The following PIK3AP1 variants were observed in gnomAD, a reference collection of about 807,000 sequenced individuals.
The protein encoded by PIK3AP1 is phosphoinositide 3-kinase adapter protein 1.
PIK3AP1 carries 21 observed loss-of-function variants against 88.1 expected under a neutral mutation model. The ratio of observed to expected loss-of-function variants is 0.24; its 90% CI spans 0.17 to 0.34. The LOEUF is 0.34. Among genes scored for constraint, PIK3AP1 ranks in the 10% least tolerant of loss-of-function variants. PIK3AP1 has a pLI of 1.00. For missense variants in PIK3AP1, 828 were observed against 1,035.7 expected, an observed-to-expected ratio of 0.80 and a Z score of 2.75; for synonymous variants, 398 against 400.0, an observed-to-expected ratio of 1.00 and a Z score of 0.06.
chr10:96,699,900 A>T (rs1413464413), intron 2 of PIK3AP1, among the ~76,000 whole-genome samples: 4 of 152,246 alleles, frequency 2.6e-5, no homozygotes, highest in Admixed American at 2.0e-4. Flanking sequence ...GTTTTGAAAG[A>T]GGGTAACACA....
At chr10:96,669,430 AGT>A (rs1489689702) in intron 2 of PIK3AP1, 1 of 152,236 alleles carries the variant, frequency 6.6e-6, no homozygotes, top group Non-Finnish European at 1.5e-5. Context: ...GAATTCCAGA[AGT>A]GTGTCCTGTA....
Position 96,596,311 on chromosome 10 carries a change from T to A in PIK3AP1, c.2361-677A>T, listed in dbSNP as rs191185006. 1.5e-3 allele frequency among the ~76,000 whole-genome samples: 228 copies of A among 152,286 alleles called. 1 individual carries two copies. The highest frequency in any genetic ancestry group is 1.5e-3 in the Non-Finnish European group (104 of 68,014). On this transcript the variant is annotated intron_variant, in intron 16 of 16. Transcript: ENST00000339364. Reference sequence around the variant, plus strand: ...CTGTTTTGTCCCATGGAAACCACAATAAAAGCTCTTGTCCACATTTTCCCC... The same window carrying A: ...CTGTTTTGTCCCATGGAAACCACAAAAAAAGCTCTTGTCCACATTTTCCCC...
intron 8 of PIK3AP1, among the ~76,000 whole-genome samples, chr10:96,628,893 T>C (rs1448955928): frequency 0.29 from 15,453 of 53,304 alleles, 2,717 homozygotes; most frequent in Non-Finnish European, 0.37. Flanking sequence ...TATATACATA[T>C]ATATATATAT....
In PIK3AP1 at chr10:96,657,032, C is replaced by T. The variant is rs575792699; in HGVS notation, c.431-98G>A. ...GCCCCAAATATTGCAAAATAGGAAA[C>T]GGCTCTGAATGTCAAACCAATACAA... On this transcript the variant is annotated intron_variant, in intron 2 of 16. Transcript: ENST00000339364. 114 of 1,306,546 alleles carry T rather than the reference C, an allele frequency of 8.7e-5. No individual in the cohort carries two copies. In the South Asian group the frequency reaches 1.1e-3, roughly 13 times the overall value. The allele number at this position is 1,306,546 out of a possible 1,614,324, so 80.9% of individuals were successfully genotyped here.
At chr10:96,608,622 T>C (rs1339565659) in intron 14 of PIK3AP1, among the ~76,000 whole-genome samples, 1 of 152,222 alleles carries the variant, frequency 6.6e-6, no homozygotes, top group African/African-American at 2.4e-5. Context: ...GAAAACTAGC[T>C]CAGAGGTTCT....
At chr10:96,604,846 A>G (rs1848974357) in intron 14 of PIK3AP1, among the ~76,000 whole-genome samples, 1 of 152,140 alleles carries the variant, frequency 6.6e-6, no homozygotes, top group Non-Finnish European at 1.5e-5. Flanking sequence ...AATGCAAAGT[A>G]CACACTCAAA....
chr10:96,648,671 G>C lies in PIK3AP1; in HGVS notation c.1173C>G (p.Ile391Met), dbSNP rs758437622. 2 of 1,607,888 alleles carry C rather than the reference G, an allele frequency of 1.2e-6. No individual in the cohort carries two copies. The highest frequency in any genetic ancestry group is 2.2e-5 in the South Asian group (2 of 89,778). ...KHGFRDLRQF[I>M]DEYVETVDML... is the part of the protein sequence containing the mutation. Reference sequence around the variant, plus strand: ...GCCTTGACCTTACCACATACTCGTCGATGAACTGCCGCAGGTCCCTGAAGC... The same window carrying C: ...GCCTTGACCTTACCACATACTCGTCCATGAACTGCCGCAGGTCCCTGAAGC... The change falls in exon 7 of 17, where the codon ATC (isoleucine) becomes ATG (methionine). Residue 391 changes from isoleucine to methionine, a missense_variant. By Grantham distance (10) the Ile-to-Met change is conservative. Transcript: ENST00000339364.
intron 2 of PIK3AP1, among the ~76,000 whole-genome samples, chr10:96,688,843 T>A (rs1844111926): frequency 6.6e-6 from 1 of 151,816 alleles, no homozygotes. Context: ...AAAATATGCA[T>A]GCATCATAAA....
At chr10:96,595,657 T>A (rs1468928706) in intron 16 of PIK3AP1, 23 bp from the exon 17 acceptor site, 1 of 1,610,472 alleles carries the variant, frequency 6.2e-7, no homozygotes, top group Admixed American at 1.7e-5. Context: ...ATAAGGCAAC[T>A]CTATTTAAAA....
chr10:96,618,579 C>T (rs1481139814), intron 12 of PIK3AP1: 1 of 100,828 alleles, frequency 9.9e-6, no homozygotes, highest in Non-Finnish European at 2.0e-5. Context: ...CCTTACACTA[C>T]AAGAAAATGT....
intron 9 of PIK3AP1, among the ~76,000 whole-genome samples, chr10:96,627,888 TGCCTAA>T (rs1485592873): frequency 6.6e-6 from 1 of 152,192 alleles, no homozygotes; most frequent in African/African-American, 2.4e-5. Flanking sequence ...TTGAATAACT[TGCCTAA>T]GGTTTTCCAG....
intron 2 of PIK3AP1, among the ~76,000 whole-genome samples, chr10:96,677,751 T>C (rs1843944922): frequency 1.3e-5 from 2 of 152,206 alleles, no homozygotes; most frequent in East Asian, 3.9e-4. Context: ...GGACAAAACA[T>C]GGTTTTCACT....
At position 96,648,767 on chromosome 10, in the gene PIK3AP1, T is replaced by C. The variant is rs751495080; in HGVS notation, c.1077A>G (p.Pro359=). 4.3e-5 allele frequency: 69 copies of C among 1,610,232 alleles called. No individual in the cohort carries two copies. In the South Asian group the frequency reaches 6.8e-4, roughly 16 times the overall value. ...CCACGCTGTACGCCTGCAGGGCTCC[T>C]GGGCAGGTGAGCAACAAGGCAGTGA... The part of the protein sequence containing the change: ...KNLTALLLTC[P]GALQAYSVAN... Residue 359 remains proline, a synonymous_variant, in exon 7 of 17, where the codon CCA becomes CCG. Transcript: ENST00000339364.
intron 8 of PIK3AP1, among the ~76,000 whole-genome samples, chr10:96,641,479 C>T (rs1843388711): frequency 6.6e-6 from 1 of 152,110 alleles, no homozygotes; most frequent in African/African-American, 2.4e-5. Flanking sequence ...GCCTAATTTC[C>T]TTAATATGGT....
chr10:96,619,989 G>A (rs1843054638), intron 12 of PIK3AP1, among the ~76,000 whole-genome samples: 2 of 152,140 alleles, frequency 1.3e-5, no homozygotes, highest in Admixed American at 6.5e-5. Flanking sequence ...TAGTTATGAG[G>A]GTATTTGGCA....
At position 96,655,002 on chromosome 10, in the gene PIK3AP1, A is replaced by T. The variant is rs887685715; in HGVS notation, c.567+1796T>A. On this transcript the variant is annotated intron_variant, in intron 3 of 16. Transcript: ENST00000339364. ...CAGTCATCTCAGGCCTAATATGACC[A>T]GATTCTGATTCAAAGGAAGCTGGAA... 2.0e-5 allele frequency among the ~76,000 whole-genome samples: 3 copies of T among 152,354 alleles called. No individual in the cohort carries two copies. In the South Asian group the frequency reaches 6.2e-4, roughly 32 times the overall value.
chr10:96,671,125 A>G (rs1253650532), intron 2 of PIK3AP1, among the ~76,000 whole-genome samples: 2 of 152,208 alleles, frequency 1.3e-5, no homozygotes, highest in African/African-American at 4.8e-5. Flanking sequence ...TCAGCATCAC[A>G]GCTATTGTCA....
At chr10:96,652,301 G>T (rs569209630) in intron 4 of PIK3AP1, among the ~76,000 whole-genome samples, 1 of 152,306 alleles carries the variant, frequency 6.6e-6, no homozygotes, top group Admixed American at 6.5e-5. Context: ...GTAGCTGGGT[G>T]CCGTGGCTCA....
At chr10:96,616,831 A>T in intron 12 of PIK3AP1, 120 bp from the exon 13 acceptor site, 1 of 938,174 alleles carries the variant, frequency 1.1e-6, no homozygotes, top group Non-Finnish European at 1.7e-6. Context: ...CACATTTACA[A>T]CATGCAAATG....
Sources: allele counts gnomAD v4.1 joint callset (sites outside exome capture counted in the v4.1 genomes callset), GRCh38; gene constraint gnomAD v4.1.1; transcripts MANE v1.5; gene names NCBI Gene and HGNC (gene_info 2026-07-23, HGNC 2026-07-21).